The following ACVR2A variants were observed in gnomAD, a reference collection of about 807,000 sequenced individuals.
ACVR2A encodes the protein activin receptor type-2A.
A neutral mutation model predicts 61.4 loss-of-function variants in ACVR2A; 7 were observed. The ratio of observed to expected loss-of-function variants is 0.11; its 90% CI spans 0.06 to 0.21. The LOEUF is 0.21. ACVR2A is among the 10% of genes least tolerant of loss of function. The pLI, the probability that ACVR2A is intolerant of heterozygous loss-of-function variation, is 1.00. For missense variants in ACVR2A, 322 were observed against 621.7 expected (o/e 0.52, Z 5.13); for synonymous variants, 193 against 208.3 (o/e 0.93, Z 0.63).
intron 6 of ACVR2A, 48 bp from the exon 7 acceptor site, chr2:147,918,399 A>G (rs773420956): frequency 1.9e-6 from 3 of 1,550,758 alleles, no homozygotes; most frequent in Non-Finnish European, 2.6e-6. Context: ...CCTTATACAT[A>G]TGGCCTTTGT....
chr2:147,883,522 T>A (rs1414950739), intron 1 of ACVR2A, among the ~76,000 whole-genome samples: 4 of 152,132 alleles, frequency 2.6e-5, no homozygotes, highest in Non-Finnish European at 4.4e-5. Flanking sequence ...AGAAACTACA[T>A]AATACACAAA....
intron 1 of ACVR2A, among the ~76,000 whole-genome samples, chr2:147,870,571 A>G (rs898514604): frequency 6.6e-6 from 1 of 152,108 alleles, no homozygotes; most frequent in Non-Finnish European, 1.5e-5. Context: ...ATTAACCCTT[A>G]CGTCTTCAGG....
intron 1 of ACVR2A, among the ~76,000 whole-genome samples, chr2:147,863,549 A>G (rs1685778685): frequency 6.6e-6 from 1 of 152,248 alleles, no homozygotes; most frequent in African/African-American, 2.4e-5. Flanking sequence ...TGTTACACAT[A>G]TACATACTAT....
At chr2:147,845,561 G>C (rs1685290770) in intron 1 of ACVR2A, among the ~76,000 whole-genome samples, 1 of 152,296 alleles carries the variant, frequency 6.6e-6, no homozygotes, top group Non-Finnish European at 1.5e-5. Flanking sequence ...CAAAGGTTGA[G>C]ATCTGAAAGG....
chr2:147,858,350 A>C (rs1414933720), intron 1 of ACVR2A, among the ~76,000 whole-genome samples: 1 of 152,166 alleles, frequency 6.6e-6, no homozygotes, highest in Non-Finnish European at 1.5e-5. Context: ...TGATGGGTCG[A>C]CATTTATCTT....
chr2:147,903,492 A>G (rs1185982972), intron 4 of ACVR2A, among the ~76,000 whole-genome samples: 1 of 151,740 alleles, frequency 6.6e-6, no homozygotes, highest in South Asian at 2.1e-4. Flanking sequence ...CTCTCCCTTC[A>G]TCTGTACTAT....
intron 2 of ACVR2A, among the ~76,000 whole-genome samples, chr2:147,898,681 A>G (rs1686802024): frequency 1.3e-5 from 2 of 152,080 alleles, no homozygotes; most frequent in South Asian, 4.1e-4. Flanking sequence ...TTAGCTGTTT[A>G]TTAGTGGCTG....
At chr2:147,847,847 C>A (rs534548361) in intron 1 of ACVR2A, among the ~76,000 whole-genome samples, 2 of 152,262 alleles carry the variant, frequency 1.3e-5, no homozygotes, top group East Asian at 3.9e-4. Context: ...TTATTTGTGT[C>A]TTTCCCCACA....
At chr2:147,918,680 T>C in intron 7 of ACVR2A, 88 bp downstream of exon 7, 1 of 1,188,232 alleles carries the variant, frequency 8.4e-7, no homozygotes, top group Non-Finnish European at 1.1e-6. Context: ...ATTTTTCCTT[T>C]GTTATGCAAT....
chr2:147,909,367 A>T (rs571708946), intron 4 of ACVR2A, among the ~76,000 whole-genome samples: 1 of 152,298 alleles, frequency 6.6e-6, no homozygotes, highest in South Asian at 2.1e-4. Context: ...CTAGTTACTC[A>T]GTAAAATTTG....
upstream of ACVR2A, chr2:147,844,654 C>G (rs1685252430): frequency 6.4e-6 from 1 of 155,662 alleles, no homozygotes; most frequent in Non-Finnish European, 1.4e-5. Flanking sequence ...TCGCCGCCAC[C>G]GCCGCGAGCT....
intron 1 of ACVR2A, among the ~76,000 whole-genome samples, chr2:147,887,501 A>G (rs549620251): frequency 2.0e-5 from 3 of 152,326 alleles, no homozygotes; most frequent in East Asian, 1.9e-4. Context: ...ACCACCTTCT[A>G]TCTTCTTTCT....
At chr2:147,902,716 T>G (rs1454961090) in intron 4 of ACVR2A, 1 of 151,958 alleles carries the variant, frequency 6.6e-6, no homozygotes, top group South Asian at 2.1e-4. Flanking sequence ...TGTGCTTGAG[T>G]TGATACTGCC....
chr2:147,876,214 A>G (rs989363660), intron 1 of ACVR2A, among the ~76,000 whole-genome samples: 1 of 152,062 alleles, frequency 6.6e-6, no homozygotes, highest in Non-Finnish European at 1.5e-5. Context: ...TTCCTAATTT[A>G]AACAGTCTAC....
intron 1 of ACVR2A, among the ~76,000 whole-genome samples, chr2:147,854,868 G>A (rs1054667931): frequency 2.0e-5 from 3 of 151,872 alleles, no homozygotes; most frequent in African/African-American, 7.3e-5. Context: ...TATCACATCT[G>A]TTTACTTTAT....
At chr2:147,875,230 T>C (rs1032192242) in intron 1 of ACVR2A, among the ~76,000 whole-genome samples, 14 of 152,018 alleles carry the variant, frequency 9.2e-5, no homozygotes, top group African/African-American at 3.4e-4. Flanking sequence ...ATCTGTAATC[T>C]ACCCATAATA....
At chr2:147,849,587 C>T (rs1685398912) in intron 1 of ACVR2A, among the ~76,000 whole-genome samples, 1 of 152,240 alleles carries the variant, frequency 6.6e-6, no homozygotes, top group Middle Eastern at 3.4e-3. Context: ...AAGGCTAAAT[C>T]TTGACCATAA....
At chr2:147,921,152 G>C (rs1226288928) in intron 8 of ACVR2A, among the ~76,000 whole-genome samples, 1 of 152,098 alleles carries the variant, frequency 6.6e-6, no homozygotes, top group Non-Finnish European at 1.5e-5. Flanking sequence ...TCCTGGCTCA[G>C]CTTCCTGAGT....
chr2:147,907,072 T>A (rs867326973), intron 4 of ACVR2A, among the ~76,000 whole-genome samples: 43 of 152,270 alleles, frequency 2.8e-4, no homozygotes, highest in South Asian at 1.2e-3. Flanking sequence ...CTCCCACTTA[T>A]GAGTGAGAAC....
Sources: allele counts gnomAD v4.1 joint callset (sites outside exome capture counted in the v4.1 genomes callset), GRCh38; gene constraint gnomAD v4.1.1; transcripts MANE v1.5; gene names NCBI Gene and HGNC (gene_info 2026-07-23, HGNC 2026-07-21).